The following FAT4 variants were observed in gnomAD, a reference collection of about 807,000 sequenced individuals.
FAT4 encodes protocadherin Fat 4.
A neutral mutation model predicts 303.9 loss-of-function variants in FAT4; 84 were observed. That is an observed-to-expected ratio of 0.28 (90% confidence interval 0.23 to 0.33). FAT4 has a LOEUF of 0.33. FAT4 is among the 10% of genes least tolerant of loss of function. The pLI is 1.00. For missense variants in FAT4, 6,005 were observed against 6,146.8 expected (o/e 0.98, Z 0.77); for synonymous variants, 2,307 against 2,298.8 (o/e 1.00, Z -0.10).
At chr4:125,489,630 A>C (rs2126095545) in intron 17 of FAT4, among the ~76,000 whole-genome samples, 1 of 152,288 alleles carries the variant, frequency 6.6e-6, no homozygotes, top group Middle Eastern at 3.4e-3. Context: ...CAGCCTGCCC[A>C]AGTCATTCAT....
intron 11 of FAT4, among the ~76,000 whole-genome samples, chr4:125,466,862 C>T (rs1263835825): frequency 6.6e-6 from 1 of 151,340 alleles, no homozygotes; most frequent in Non-Finnish European, 1.5e-5. Flanking sequence ...GCAAGCTCAG[C>T]CTCCCAGGTT....
chr4:125,423,528 C>T (rs1724981066), intron 7 of FAT4, among the ~76,000 whole-genome samples: 1 of 152,198 alleles, frequency 6.6e-6, no homozygotes, highest in Non-Finnish European at 1.5e-5. Flanking sequence ...GCCTGAATTT[C>T]AGAGGATGAA....
At chr4:125,338,906 C>T (rs1218721722) in intron 2 of FAT4, among the ~76,000 whole-genome samples, 1 of 151,856 alleles carries the variant, frequency 6.6e-6, no homozygotes, top group Non-Finnish European at 1.5e-5. Flanking sequence ...AATTAAATAG[C>T]GTTTGATTTA....
chr4:125,398,950 C>A, intron 3 of FAT4, 35 bp downstream of exon 3: 1 of 1,606,502 alleles, frequency 6.2e-7, no homozygotes, highest in Non-Finnish European at 8.5e-7. Flanking sequence ...TGTGAAACTT[C>A]GTAGTGCAGT....
At chr4:125,323,725 TCAAA>T (rs1272556915) in intron 2 of FAT4, among the ~76,000 whole-genome samples, 6 of 152,212 alleles carry the variant, frequency 3.9e-5, no homozygotes, top group Non-Finnish European at 8.8e-5. Context: ...TTCCTTCTGC[TCAAA>T]CAATTAATTT....
At chr4:125,394,892 A>G (rs1734107972) in intron 2 of FAT4, among the ~76,000 whole-genome samples, 1 of 152,200 alleles carries the variant, frequency 6.6e-6, no homozygotes. Flanking sequence ...TTGCTATTAA[A>G]GTACATCACC....
intron 10 of FAT4, among the ~76,000 whole-genome samples, chr4:125,463,310 A>G (rs1463641716): frequency 6.6e-6 from 1 of 152,050 alleles, no homozygotes; most frequent in Non-Finnish European, 1.5e-5. Context: ...TTTCTCTGCA[A>G]ACAGTATTTT....
intron 8 of FAT4, among the ~76,000 whole-genome samples, chr4:125,437,069 G>A (rs1277346187): frequency 6.6e-6 from 1 of 151,944 alleles, no homozygotes; most frequent in African/African-American, 2.4e-5. Context: ...TGGCCACACT[G>A]GTCTCCAACT....
intron 12 of FAT4, among the ~76,000 whole-genome samples, chr4:125,472,856 A>G (rs1726910201): frequency 6.6e-6 from 1 of 152,190 alleles, no homozygotes; most frequent in African/African-American, 2.4e-5. Flanking sequence ...ACATCCATCA[A>G]ACTGCATTCA....
At chr4:125,337,206 CT>C (rs1450171082) in intron 2 of FAT4, among the ~76,000 whole-genome samples, 1 of 151,956 alleles carries the variant, frequency 6.6e-6, no homozygotes, top group Non-Finnish European at 1.5e-5. Flanking sequence ...ATAACTAGAT[CT>C]TTCTTTTTTG....
Position 125,450,446 on chromosome 4 carries a change from G to A in FAT4, c.9436G>A (p.Gly3146Ser). 1 of 1,613,996 alleles carries A rather than the reference G, an allele frequency of 6.2e-7. No individual in the cohort carries two copies. Among genetic ancestry groups the A allele is most frequent in the Non-Finnish European group, 8.5e-7 (1 of 1,179,994 alleles). The part of the protein sequence containing the change: ...EGIFAINSST[G>S]ILTLAKALDY... ...CATTTTTGCAATCAATTCTTCTACA[G>A]GTATATTAACACTAGCCAAAGCTCT... The change falls in exon 10 of 18, where the codon GGT (glycine) becomes AGT (serine). Residue 3146 changes from glycine (G) to serine (S), a missense_variant. Physicochemically the swap from Gly to Ser is moderately conservative, Grantham distance 56. Transcript: ENST00000394329.
At chr4:125,427,432 TAA>T (rs33993378) in intron 7 of FAT4, among the ~76,000 whole-genome samples, 6,848 of 152,060 alleles carry the variant, frequency 0.045, 507 homozygotes, top group African/African-American at 0.16. Context: ...AAAAAAATAT[TAA>T]GTGTGTATAT....
chr4:125,335,146 A>G (rs2125961930), intron 2 of FAT4, among the ~76,000 whole-genome samples: 1 of 152,288 alleles, frequency 6.6e-6, no homozygotes, highest in Admixed American at 6.5e-5. Flanking sequence ...GCTTGCCAAA[A>G]ACATGGGTCA....
In FAT4 at chr4:125,319,885, T is replaced by C; in HGVS notation, c.3474T>C (p.Thr1158=). ...CCATCAGTGGGGAAATTACAAATACTCATCAGTTTGACAGGGAGTCTCTTA... is the reference window on the plus strand; with the variant it reads ...CCATCAGTGGGGAAATTACAAATACCCATCAGTTTGACAGGGAGTCTCTTA... The part of the protein sequence containing the change: ...LHAISGEITN[T]HQFDRESLMR... The change falls in exon 2 of 18, where the codon ACT becomes ACC. Residue 1158 remains threonine (T), a synonymous_variant. Transcript: ENST00000394329. 1 of 1,614,136 alleles carries C rather than the reference T, an allele frequency of 6.2e-7. No homozygotes were observed. Among genetic ancestry groups the C allele is most frequent in the African/African-American group, 1.3e-5 (1 of 75,038 alleles).
At position 125,491,294 on chromosome 4, in the gene FAT4, T is replaced by C. The variant is rs1310929255; in HGVS notation, c.14478T>C (p.Ser4826=). The C allele has an allele frequency of 1.9e-6, 3 of 1,614,158 alleles. No individual in the cohort carries two copies. Among genetic ancestry groups the C allele is most frequent in the African/African-American group, 2.7e-5 (2 of 75,058 alleles). The change falls in exon 18 of 18, where the codon TCT becomes TCC. Residue 4826 remains serine (S), a synonymous_variant. Coordinates refer to ENST00000394329, the MANE Select transcript of FAT4 (RefSeq NM_001291303.3). ...AGGAGGACTGCAGAAGGCCACTGTC[T>C]AGAACAAGGAATCCAGCGGATGGCA... ...SSEEDCRRPL[S]RTRNPADGIP...
intron 8 of FAT4, among the ~76,000 whole-genome samples, chr4:125,440,610 T>TGTGTGTGTGTGAGA (rs372756130): frequency 2.0e-4 from 15 of 75,726 alleles, no homozygotes; most frequent in Admixed American, 1.7e-3. Flanking sequence ...TGTGTGTGTG[T>TGTGTGTGTGTGAGA]GAGAGAGAGA....
chr4:125,489,175 T>G (rs1247074233), intron 17 of FAT4, among the ~76,000 whole-genome samples: 1 of 152,220 alleles, frequency 6.6e-6, no homozygotes, highest in Non-Finnish European at 1.5e-5. Context: ...ATTACGCTTT[T>G]TGTAGTGTCA....
intron 17 of FAT4, among the ~76,000 whole-genome samples, chr4:125,489,320 A>G (rs1442470689): frequency 6.6e-6 from 1 of 152,188 alleles, no homozygotes; most frequent in Non-Finnish European, 1.5e-5. Flanking sequence ...AAACTTTGCC[A>G]TCCCCAAGTC....
intron 2 of FAT4, among the ~76,000 whole-genome samples, chr4:125,365,376 C>G (rs1438370098): frequency 6.6e-6 from 1 of 152,128 alleles, no homozygotes; most frequent in Non-Finnish European, 1.5e-5. Flanking sequence ...TGTGGACTCT[C>G]TTCTCATCAT....
Sources: allele counts gnomAD v4.1 joint callset (sites outside exome capture counted in the v4.1 genomes callset), GRCh38; gene constraint gnomAD v4.1.1; transcripts MANE v1.5; gene names NCBI Gene and HGNC (gene_info 2026-07-23, HGNC 2026-07-21).